The following AGBL1 variants were observed in gnomAD, a reference collection of about 807,000 sequenced individuals.
AGBL1 encodes the protein AGBL carboxypeptidase 1.
In AGBL1, 130 loss-of-function variants were observed where a neutral mutation model predicts 118.9. The observed-to-expected ratio is 1.09, with a 90% CI of 0.95 to 1.26. AGBL1 has a LOEUF of 1.26. Ranked by LOEUF, AGBL1 falls within the 50% of genes most tolerant of loss-of-function variation. The probability of loss-of-function intolerance (pLI) is 0.00; values close to 1 mark genes in which losing one functional copy is unlikely to be tolerated. For missense variants in AGBL1, 1,584 were observed against 1,298.1 expected (o/e 1.22, Z -3.38); for synonymous variants, 555 against 478.9 (o/e 1.16, Z -2.08).
intron 16 of AGBL1, among the ~76,000 whole-genome samples, chr15:86,289,944 C>G (rs1296314456): frequency 1.3e-5 from 2 of 152,198 alleles, no homozygotes. Context: ...AAGCAATAAA[C>G]TCAACTCTGT....
intron 22 of AGBL1, among the ~76,000 whole-genome samples, chr15:86,777,682 G>A (rs1196043336): frequency 1.3e-5 from 2 of 152,010 alleles, no homozygotes; most frequent in African/African-American, 2.4e-5. Context: ...GGCCAAACAT[G>A]TTTTTTACAT....
chr15:86,262,572 G>A, intron 9 of AGBL1: 1 of 629,388 alleles, frequency 1.6e-6, no homozygotes, highest in Non-Finnish European at 2.9e-6. Flanking sequence ...TGACATAAAT[G>A]CTGAGACAAG....
At chr15:86,654,047 G>A (rs1210640757) in intron 21 of AGBL1, among the ~76,000 whole-genome samples, 1 of 152,112 alleles carries the variant, frequency 6.6e-6, no homozygotes, top group African/African-American at 2.4e-5. Flanking sequence ...TTCTTCACAG[G>A]AAAACCTCTG....
At chr15:86,718,671 G>A (rs1337370434) in intron 22 of AGBL1, among the ~76,000 whole-genome samples, 6 of 152,102 alleles carry the variant, frequency 3.9e-5, no homozygotes, top group Non-Finnish European at 1.5e-5. Flanking sequence ...TTGGCTAGTT[G>A]GAGTTATGAA....
chr15:86,525,821 A>G (rs1330841481), intron 19 of AGBL1, among the ~76,000 whole-genome samples: 1 of 152,136 alleles, frequency 6.6e-6, no homozygotes, highest in Non-Finnish European at 1.5e-5. Flanking sequence ...ATTTATGGTG[A>G]AGACTCCAAT....
In AGBL1 at chr15:86,319,743, G is replaced by GTTTTTTTTTTTTTTTTTTTT. The variant is rs139831044; in HGVS notation, c.2374+24352_2374+24371dup. On this transcript the variant is annotated intron_variant, in intron 17 of 22. Transcript: ENST00000614907. ...TGTACTTTGTTTTGCCTCTTTGGTA[G>GTTTTTTTTTTTTTTTTTTTT]TTTTTTTTTTTTTTTTTTTTTTTTT... Among the ~76,000 whole-genome samples, 4 of 47,254 alleles carry GTTTTTTTTTTTTTTTTTTTT rather than the reference G, an allele frequency of 8.5e-5. 1 individual carries two copies. The highest frequency in any genetic ancestry group is 6.8e-4 in the Admixed American group (2 of 2,946). The allele number at this position is 47,254 out of a possible 152,430, so 31.0% of individuals were successfully genotyped here. A position where few individuals can be genotyped will look rare whatever the true frequency, so the allele number is the denominator to read the frequency against.
At chr15:86,313,480 A>G (rs977316) in intron 17 of AGBL1, among the ~76,000 whole-genome samples, 94,961 of 152,094 alleles carry the variant, frequency 0.62, 30,140 homozygotes, top group Non-Finnish European at 0.68. Context: ...AATCAATAAC[A>G]ATTTCTAATT....
intron 23 of AGBL1, among the ~76,000 whole-genome samples, chr15:86,943,565 G>A (rs975051910): frequency 6.6e-6 from 1 of 152,160 alleles, no homozygotes; most frequent in Non-Finnish European, 1.5e-5. Flanking sequence ...CACAGTGTGT[G>A]AAGATGCTGG....
At chr15:86,447,866 C>CGGGTGCA (rs1029119607) in intron 18 of AGBL1, among the ~76,000 whole-genome samples, 1 of 152,130 alleles carries the variant, frequency 6.6e-6, no homozygotes, top group Non-Finnish European at 1.5e-5. Context: ...AAAACAGGGC[C>CGGGTGCA]GGGTGCAGTG....
intron 7 of AGBL1, among the ~76,000 whole-genome samples, chr15:86,248,242 A>G (rs1049871510): frequency 2.0e-5 from 3 of 152,162 alleles, no homozygotes; most frequent in African/African-American, 7.2e-5. Context: ...GCTTGAACTC[A>G]GGAGGCAGAT....
At chr15:87,028,988 G>A in exon 25 of AGBL1, 1 of 751,518 alleles carries the variant, frequency 1.3e-6, no homozygotes, top group Non-Finnish European at 2.2e-6. Flanking sequence ...CCCTTATCTA[G>A]TATATCTACC....
At chr15:86,761,139 C>T (rs1596458012) in intron 22 of AGBL1, among the ~76,000 whole-genome samples, 1 of 151,996 alleles carries the variant, frequency 6.6e-6, no homozygotes, top group South Asian at 2.1e-4. Context: ...TGATTACTTC[C>T]GGAATTAATT....
intron 22 of AGBL1, among the ~76,000 whole-genome samples, chr15:86,835,256 A>G (rs928121460): frequency 2.0e-5 from 3 of 152,010 alleles, no homozygotes; most frequent in African/African-American, 7.3e-5. Flanking sequence ...TCACACCTAG[A>G]TCAGCCTGGC....
chr15:86,089,180 G>A (rs183177986), intron 1 of AGBL1, among the ~76,000 whole-genome samples: 55 of 152,296 alleles, frequency 3.6e-4, no homozygotes, highest in Non-Finnish European at 6.2e-4. Context: ...CCAATGCCAT[G>A]TTATATCTCT....
At chr15:86,767,433 G>A (rs1466143167) in intron 22 of AGBL1, among the ~76,000 whole-genome samples, 1 of 151,852 alleles carries the variant, frequency 6.6e-6, no homozygotes, top group African/African-American at 2.4e-5. Flanking sequence ...TCAACATTAA[G>A]AAGAACTTTA....
chr15:86,982,036 T>C (rs2081236263), intron 23 of AGBL1, among the ~76,000 whole-genome samples: 1 of 152,174 alleles, frequency 6.6e-6, no homozygotes, highest in Admixed American at 6.5e-5. Flanking sequence ...TGAACACTCA[T>C]GTTATGAATA....
intron 22 of AGBL1, among the ~76,000 whole-genome samples, chr15:86,784,252 A>G (rs1451062694): frequency 6.6e-6 from 1 of 152,222 alleles, no homozygotes; most frequent in Admixed American, 6.5e-5. Flanking sequence ...TGGAGCATAG[A>G]AAGTCCTGTT....
chr15:86,123,679 C>G (rs1402140611), intron 1 of AGBL1, among the ~76,000 whole-genome samples: 4 of 152,182 alleles, frequency 2.6e-5, no homozygotes, highest in Non-Finnish European at 5.9e-5. Context: ...GTTGTCTCAC[C>G]TTTCTGGACC....
chr15:86,318,696 A>ATTTTTTTTTTT (rs57988335), intron 17 of AGBL1, among the ~76,000 whole-genome samples: 1 of 81,950 alleles, frequency 1.2e-5, no homozygotes, highest in Non-Finnish European at 2.3e-5. Flanking sequence ...TTGATCATAG[A>ATTTTTTTTTTT]TTTTTTTTTT....
Sources: allele counts gnomAD v4.1 joint callset (sites outside exome capture counted in the v4.1 genomes callset), GRCh38; gene constraint gnomAD v4.1.1; transcripts MANE v1.5; gene names NCBI Gene and HGNC (gene_info 2026-07-23, HGNC 2026-07-21).